The following ERCC8 variants were observed in gnomAD, a reference collection of about 807,000 sequenced individuals.
ERCC8 encodes the protein DNA excision repair protein ERCC-8.
A neutral mutation model predicts 54.9 loss-of-function variants in ERCC8; 52 were observed. The ratio of observed to expected loss-of-function variants is 0.95; its 90% confidence interval spans 0.76 to 1.19. ERCC8 has a LOEUF of 1.19. Ranked by LOEUF, ERCC8 falls within the 50% of genes most tolerant of loss-of-function variation. The pLI is 0.00. For missense variants in ERCC8, 514 were observed against 466.1 expected (o/e 1.10, Z -0.95); for synonymous variants, 146 against 157.2 (o/e 0.93, Z 0.53).
chr5:60,919,220 A>G (rs988390843), intron 3 of ERCC8, among the ~76,000 whole-genome samples: 1 of 152,056 alleles, frequency 6.6e-6, no homozygotes. Flanking sequence ...AATAAACGAT[A>G]GGTTGTTCGA....
intron 1 of ERCC8, among the ~76,000 whole-genome samples, chr5:60,935,182 G>A (rs1286162935): frequency 4.3e-4 from 66 of 152,194 alleles, no homozygotes; most frequent in Non-Finnish European, 1.8e-4. Context: ...ATTTAGCTGT[G>A]TTTCCATTTG....
At chr5:60,929,758 T>C (rs1207006173) in intron 1 of ERCC8, among the ~76,000 whole-genome samples, 1 of 152,234 alleles carries the variant, frequency 6.6e-6, no homozygotes, top group Non-Finnish European at 1.5e-5. Flanking sequence ...TAAGATTAAA[T>C]GAGTTTGTAT....
chr5:60,918,645 A>G, intron 3 of ERCC8: 1 of 452,264 alleles, frequency 2.2e-6, no homozygotes, highest in Non-Finnish European at 4.1e-6. Context: ...TGTACTATAT[A>G]CAGCCTGGAG....
At chr5:60,877,192 A>G (rs909659516) in intron 11 of ERCC8, among the ~76,000 whole-genome samples, 11 of 152,098 alleles carry the variant, frequency 7.2e-5, no homozygotes, top group Non-Finnish European at 1.3e-4. Flanking sequence ...ATGGTTGTAG[A>G]TATGCAGCAT....
intron 11 of ERCC8, among the ~76,000 whole-genome samples, chr5:60,876,750 G>GT (rs1214238653): frequency 6.6e-6 from 1 of 152,106 alleles, no homozygotes; most frequent in African/African-American, 2.4e-5. Flanking sequence ...TTGTAAATTT[G>GT]TTTGAGTCCA....
At chr5:60,892,985 C>A (rs1748611122) in intron 9 of ERCC8, 1 of 772,740 alleles carries the variant, frequency 1.3e-6, no homozygotes. Flanking sequence ...CAAAGCTGAC[C>A]TGATGCTGGG....
intron 4 of ERCC8, among the ~76,000 whole-genome samples, chr5:60,910,173 C>A (rs1340513342): frequency 6.6e-6 from 1 of 152,092 alleles, no homozygotes; most frequent in Non-Finnish European, 1.5e-5. Flanking sequence ...TCAAGGGTTA[C>A]CTGTATTATC....
intron 4 of ERCC8, among the ~76,000 whole-genome samples, chr5:60,913,771 C>T (rs542022094): frequency 1.2e-4 from 18 of 152,092 alleles, no homozygotes; most frequent in Non-Finnish European, 2.1e-4. Flanking sequence ...TAAATGTGTC[C>T]CAGAGATTCT....
chr5:60,937,858 C>T (rs544642098), intron 1 of ERCC8, among the ~76,000 whole-genome samples: 13 of 152,072 alleles, frequency 8.5e-5, no homozygotes, highest in East Asian at 7.7e-4. Context: ...CAAAAGTTCA[C>T]GATATGCATC....
rs1237318412 is a variant in ERCC8 at position 60,870,339 on chromosome 5, C to T, written c.*4276G>A. Among the ~76,000 whole-genome samples, 1 of 151,608 alleles carries T rather than the reference C, an allele frequency of 6.6e-6. No individual in the cohort carries two copies. The highest frequency in any genetic ancestry group is 1.5e-5 in the Non-Finnish European group (1 of 67,896). On this transcript the variant is annotated 3_prime_UTR_variant, in exon 12 of 12. Coordinates refer to ENST00000676185, the MANE Select transcript of ERCC8 (RefSeq NM_000082.4). ...GGCAAGGAGAAACGAAAAGATAAGA[C>T]AATGAAAGAGAAGTCGAAGTCAGGC... is the stretch of plus-strand genomic sequence containing the variant.
chr5:60,938,044 CATACATATATATATATATATAT>C (rs1260206548), intron 1 of ERCC8, among the ~76,000 whole-genome samples: 20 of 16,706 alleles, frequency 1.2e-3, no homozygotes, highest in African/African-American at 4.2e-3. Flanking sequence ...TACATACATA[CATACATATATATATATATATAT>C]ATATATATAT....
intron 9 of ERCC8, among the ~76,000 whole-genome samples, chr5:60,894,047 C>T (rs944334278): frequency 3.4e-5 from 5 of 149,022 alleles, no homozygotes; most frequent in Non-Finnish European, 5.9e-5. Context: ...TGCAGTGGCG[C>T]GATCTAGGCT....
At chr5:60,930,601 G>A (rs1749880265) in intron 1 of ERCC8, among the ~76,000 whole-genome samples, 1 of 151,562 alleles carries the variant, frequency 6.6e-6, no homozygotes, top group Non-Finnish European at 1.5e-5. Context: ...CAGGCCTAGT[G>A]GCGTATGCCT....
chr5:60,926,581 A>T (rs1225334026), intron 2 of ERCC8, among the ~76,000 whole-genome samples: 2 of 152,252 alleles, frequency 1.3e-5, no homozygotes, highest in Admixed American at 1.3e-4. Context: ...TAGTTATTTT[A>T]AAAAATATTC....
intron 2 of ERCC8, among the ~76,000 whole-genome samples, chr5:60,922,552 G>A (rs1749629510): frequency 6.6e-6 from 1 of 152,014 alleles, no homozygotes; most frequent in Non-Finnish European, 1.5e-5. Flanking sequence ...TTGGCTCTGG[G>A]CAAGTTATAC....
intron 9 of ERCC8, chr5:60,892,774 T>C: frequency 1.4e-6 from 1 of 691,088 alleles, no homozygotes. Context: ...AGCAGCCGGA[T>C]GAACTTGTCC....
chr5:60,877,650 G>T (rs1396292268), intron 11 of ERCC8, among the ~76,000 whole-genome samples: 1 of 152,190 alleles, frequency 6.6e-6, no homozygotes, highest in African/African-American at 2.4e-5. Context: ...GTGAATGGAA[G>T]TTCACTCGTG....
At chr5:60,892,896 A>G in intron 9 of ERCC8, 2 of 723,614 alleles carry the variant, frequency 2.8e-6, no homozygotes, top group Non-Finnish European at 5.1e-6. Context: ...GGGAAGGCCT[A>G]CAATGTCCAT....
At chr5:60,916,686 AAC>A (rs1299150969) in intron 4 of ERCC8, among the ~76,000 whole-genome samples, 1 of 152,080 alleles carries the variant, frequency 6.6e-6, no homozygotes, top group Non-Finnish European at 1.5e-5. Context: ...AGGTCAAAAA[AAC>A]ACATCTATTT....
Sources: allele counts gnomAD v4.1 joint callset (sites outside exome capture counted in the v4.1 genomes callset), GRCh38; gene constraint gnomAD v4.1.1; transcripts MANE v1.5; gene names NCBI Gene and HGNC (gene_info 2026-07-23, HGNC 2026-07-21).